The following ICE1 variants were observed in gnomAD, a reference collection of about 807,000 sequenced individuals.
The protein encoded by ICE1 is little elongation complex subunit 1.
ICE1 carries 64 observed loss-of-function variants against 192.7 expected under a neutral mutation model. That is an observed-to-expected ratio of 0.33 (90% CI 0.27 to 0.41). The LOEUF (loss-of-function observed/expected upper bound fraction) is 0.41, where lower values mean the gene tolerates loss of function less well. Ranked by LOEUF, ICE1 falls within the 10% of genes least tolerant of loss-of-function variation. The pLI is 1.00. For missense variants in ICE1, 2,708 were observed against 2,696.0 expected (o/e 1.00, Z -0.10); for synonymous variants, 1,010 against 984.5 (o/e 1.03, Z -0.49).
intron 5 of ICE1, among the ~76,000 whole-genome samples, chr5:5,442,559 CTG>C (rs1409111333): frequency 6.6e-6 from 1 of 152,180 alleles, no homozygotes; most frequent in Non-Finnish European, 1.5e-5. Context: ...TGTTCAGTTA[CTG>C]TCTTTGGAAG....
At chr5:5,454,318 CA>C (rs1437378846) in intron 10 of ICE1, among the ~76,000 whole-genome samples, 1 of 152,084 alleles carries the variant, frequency 6.6e-6, no homozygotes, top group African/African-American at 2.4e-5. Flanking sequence ...CCTCTGCCAC[CA>C]ATTTTTTTTT....
chr5:5,429,090 C>T (rs2111330775), intron 1 of ICE1, among the ~76,000 whole-genome samples: 1 of 152,248 alleles, frequency 6.6e-6, no homozygotes, highest in South Asian at 2.1e-4. Context: ...GAGTGTTTCC[C>T]AGTAGAGTCA....
rs777202023 is a variant in ICE1, at chr5:5,476,029, A to G, written c.6470A>G (p.Asn2157Ser). The change falls in exon 17 of 19, where the codon AAC becomes AGC. Residue 2157 changes from asparagine (N) to serine (S), a missense_variant. Physicochemically the swap from Asn to Ser is conservative, Grantham distance 46. Around this residue, in one of 2 missense-constraint regions of ICE1, gnomAD observed 342 missense variants for 419.3 expected, o/e 0.82. Coordinates refer to ENST00000296564, the MANE Select transcript of ICE1 (RefSeq NM_015325.3). ...ATAAAATACAGAAAAGGACATGCAA[A>G]CATTGCGTATACTCCTGATATTATT... ...KWIKYRKGHA[N>S]IAYTPDIIIA... 6.2e-7 allele frequency: 1 copy of G among 1,611,804 alleles called. No individual in the cohort carries two copies. Among genetic ancestry groups the G allele is most frequent in the Non-Finnish European group, 8.5e-7 (1 of 1,178,494 alleles).
rs111564882 is a variant in ICE1, at chr5:5,428,990, G to A, written c.84+5991G>A. ...GCATATAGTTATACTCATGGCTGTG[G>A]TTTCTTACAGGGAAAGCATACAGAG... On this transcript the variant is annotated intron_variant, in intron 1 of 18. Coordinates refer to ENST00000296564, the MANE Select transcript of ICE1 (RefSeq NM_015325.3). 3.3e-3 allele frequency among the ~76,000 whole-genome samples: 502 copies of A among 152,260 alleles called. 3 individuals are homozygous for A. The highest frequency in any genetic ancestry group is 0.011 in the African/African-American group (475 of 41,566).
At chr5:5,431,801 A>G (rs1253088950) in intron 1 of ICE1, among the ~76,000 whole-genome samples, 1 of 151,706 alleles carries the variant, frequency 6.6e-6, no homozygotes, top group Non-Finnish European at 1.5e-5. Context: ...AGAAATTTCT[A>G]GATTTGCTTC....
At chr5:5,431,430 C>T (rs948706302) in intron 1 of ICE1, among the ~76,000 whole-genome samples, 1 of 152,188 alleles carries the variant, frequency 6.6e-6, no homozygotes, top group African/African-American at 2.4e-5. Context: ...GGGCTCTCTT[C>T]ACCCCCATCT....
chr5:5,475,113 C>T (rs1739271861), intron 16 of ICE1, among the ~76,000 whole-genome samples: 1 of 152,156 alleles, frequency 6.6e-6, no homozygotes, highest in Admixed American at 6.5e-5. Flanking sequence ...AGGCAGGGCC[C>T]TGCTGGCCCC....
In ICE1 at chr5:5,464,457, G is replaced by A; in HGVS notation, c.5123G>A (p.Arg1708Lys). 1 of 1,613,900 alleles carries A rather than the reference G, an allele frequency of 6.2e-7. No individual in the cohort carries two copies. Among genetic ancestry groups the A allele is most frequent in the Non-Finnish European group, 8.5e-7 (1 of 1,179,864 alleles). ...PSPSAASASE[R>K]VVPSPLQFCA... ...CCATCTGCAGCTTCAGCCAGTGAGA[G>A]GGTAGTGCCGTCTCCTCTGCAGTTC... The change falls in exon 13 of 19, where the codon AGG becomes AAG. Residue 1708 changes from arginine (R) to lysine (K), a missense_variant. By Grantham distance (26) the Arg-to-Lys change is conservative (BLOSUM62 2). This residue lies in a region of ICE1 where 2,366 missense variants were observed against 2,276.6 expected (regional missense o/e 1.04). Transcript: ENST00000296564. This position sits in a 1 kb window ranked among gnomAD's most constrained non-coding sequence, Gnocchi z 4.0.
At chr5:5,476,120 A>G (rs1478919812) in intron 17 of ICE1, 41 bp downstream of exon 17, 8 of 1,226,074 alleles carry the variant, frequency 6.5e-6, no homozygotes, top group Admixed American at 2.8e-5. Context: ...CTTGTTATTG[A>G]TATCTTGGTG....
intron 1 of ICE1, among the ~76,000 whole-genome samples, chr5:5,427,780 C>A (rs1458977677): frequency 6.6e-6 from 1 of 152,180 alleles, no homozygotes; most frequent in Non-Finnish European, 1.5e-5. Context: ...ATGATGCTAT[C>A]CTGTGTTTCA....
At chr5:5,477,806 T>C (rs942008028) in intron 17 of ICE1, among the ~76,000 whole-genome samples, 2 of 152,192 alleles carry the variant, frequency 1.3e-5, no homozygotes, top group African/African-American at 2.4e-5. Flanking sequence ...GCTTCAACCC[T>C]GGGATGCAAG....
chr5:5,461,629 G>A lies in ICE1; in HGVS notation c.2295G>A (p.Lys765=). ...QDPRIELTLN[K]PDFTSLIGSQ... is the part of the protein sequence containing the mutation. ...CAAGAATTGAGCTCACACTAAATAA[G>A]CCAGATTTCACATCATTAATAGGTT... The change falls in exon 13 of 19, where the codon AAG becomes AAA. Residue 765 remains lysine, a synonymous_variant. Coordinates refer to ENST00000296564, the MANE Select transcript of ICE1 (RefSeq NM_015325.3). 6.2e-7 allele frequency: 1 copy of A among 1,613,516 alleles called. No individual in the cohort carries two copies. Among genetic ancestry groups the A allele is most frequent in the Non-Finnish European group, 8.5e-7 (1 of 1,179,696 alleles).
At chr5:5,430,014 C>G (rs1048236736) in intron 1 of ICE1, among the ~76,000 whole-genome samples, 3 of 152,088 alleles carry the variant, frequency 2.0e-5, no homozygotes, top group Non-Finnish European at 4.4e-5. Flanking sequence ...GAAAATAAGC[C>G]TGAACTTTCC....
chr5:5,474,224 G>GA (rs5865611), intron 16 of ICE1, among the ~76,000 whole-genome samples: 9,280 of 147,602 alleles, frequency 0.063, 949 homozygotes, highest in African/African-American at 0.22. Flanking sequence ...AAAAAAAAAA[G>GA]AAAAAAAATG....
At chr5:5,435,956 G>A (rs1008687858) in intron 1 of ICE1, among the ~76,000 whole-genome samples, 13 of 152,044 alleles carry the variant, frequency 8.6e-5, no homozygotes, top group Admixed American at 2.0e-4. Flanking sequence ...ATGAGTCACC[G>A]CACCCGGCCT....
rs143919617 is a variant in ICE1, at chr5:5,438,780, A to T, written c.179-1115A>T. On this transcript the variant is annotated intron_variant, in intron 3 of 18. Transcript: ENST00000296564. ...AATTATCAGAATCCTTTATTAACGG[A>T]TAACACTTTTGATTATTCCTGGATT... Among the ~76,000 whole-genome samples the T allele has an allele frequency of 1.4e-4, 22 of 152,322 alleles. No individual in the cohort carries two copies. In the East Asian group the frequency reaches 4.2e-3, roughly 29 times the overall value.
chr5:5,451,642 T>G (rs1481532213), intron 10 of ICE1, among the ~76,000 whole-genome samples: 2 of 152,138 alleles, frequency 1.3e-5, no homozygotes, highest in Non-Finnish European at 2.9e-5. Flanking sequence ...TCAGAACAAT[T>G]GCTACAAACC....
chr5:5,426,308 G>A (rs1737516056), intron 1 of ICE1, among the ~76,000 whole-genome samples: 1 of 152,174 alleles, frequency 6.6e-6, no homozygotes, highest in Admixed American at 6.5e-5. Flanking sequence ...AGCCGGGCAT[G>A]GTGGCATGCG....
At chr5:5,442,754 C>T (rs1245158600) in intron 5 of ICE1, among the ~76,000 whole-genome samples, 2 of 152,198 alleles carry the variant, frequency 1.3e-5, no homozygotes, top group Non-Finnish European at 2.9e-5. Context: ...GTGTATATAT[C>T]AGTGTTCACA....
Sources: gnomAD v4.1 joint callset for allele counts (sites outside exome capture counted in the v4.1 genomes callset) on GRCh38, gnomAD v4.1.1 for gene constraint, gnomAD v4.1.1 regional missense constraint, Gnocchi (gnomAD v3.1) non-coding constraint, MANE v1.5 for transcripts, NCBI Gene and HGNC (gene_info 2026-07-23, HGNC 2026-07-21) for gene names.